The following CFLAR variants were observed in gnomAD, a reference collection of about 807,000 sequenced individuals.
The protein encoded by CFLAR is CASP8 and FADD like apoptosis regulator.
Under a neutral mutation model 51.1 loss-of-function variants are expected in CFLAR, and 14 were observed. That is an observed-to-expected ratio of 0.27 (90% confidence interval 0.18 to 0.43). CFLAR has a LOEUF of 0.43. CFLAR is among the 20% of genes least tolerant of loss of function. The probability of loss-of-function intolerance (pLI) is 1.00; values close to 1 mark genes in which losing one functional copy is unlikely to be tolerated. For synonymous variants in CFLAR, 210 were observed against 211.6 expected (o/e 0.99, Z 0.06); for missense variants, 390 against 566.5 (o/e 0.69, Z 3.16).
At position 201,170,564 on chromosome 2, in the gene CFLAR, C is replaced by T. The variant is rs1943951292; in HGVS notation, c.*6591C>T. The T allele has an allele frequency of 6.6e-6, 1 of 152,186 alleles. No homozygotes were observed. Among genetic ancestry groups the T allele is most frequent in the African/African-American group, 2.4e-5 (1 of 41,446 alleles). The allele number at this position is 152,186 out of a possible 1,614,324, so 9.4% of individuals were successfully genotyped here. On this transcript the variant is annotated 3_prime_UTR_variant, in exon 10 of 10. Transcript: ENST00000309955. ...ATTTAAAATACATATCATTTTCTAA[C>T]TCCAAAGGTAATACTTATTTAAATG...
chr2:201,141,115 C>T (rs911570077), intron 5 of CFLAR, among the ~76,000 whole-genome samples: 1 of 151,952 alleles, frequency 6.6e-6, no homozygotes, highest in African/African-American at 2.4e-5. Flanking sequence ...GCCTATAATC[C>T]CAGCTACTTG....
At chr2:201,127,726 G>C (rs2048844856) in intron 1 of CFLAR, among the ~76,000 whole-genome samples, 1 of 152,122 alleles carries the variant, frequency 6.6e-6, no homozygotes, top group African/African-American at 2.4e-5. Flanking sequence ...CACGGGATCT[G>C]TAGTTTCCTT....
rs1944048732 is a variant in CFLAR, at chr2:201,171,977, T to C, written c.*8004T>C. On this transcript the variant is annotated 3_prime_UTR_variant, in exon 10 of 10. Coordinates refer to ENST00000309955, the MANE Select transcript of CFLAR (RefSeq NM_003879.7). ...AAGGGCAGTTCAAATACCATCTCCT[T>C]CTATCCTCCATGAAGTCAGTTATCT... The C allele has an allele frequency of 6.6e-6, 1 of 152,204 alleles. No homozygotes were observed. The highest frequency in any genetic ancestry group is 2.1e-4 in the South Asian group (1 of 4,828). 9.4% of individuals were successfully genotyped at this position (152,204 alleles called of 1,614,324 possible).
At chr2:201,140,941 AT>A (rs1397344099) in intron 5 of CFLAR, among the ~76,000 whole-genome samples, 3 of 152,034 alleles carry the variant, frequency 2.0e-5, no homozygotes, top group African/African-American at 7.2e-5. Flanking sequence ...TTTTAAAAGT[AT>A]TTTTTTGCCC....
intron 8 of CFLAR, among the ~76,000 whole-genome samples, chr2:201,151,634 AT>A (rs1479165521): frequency 2.6e-5 from 4 of 151,868 alleles, no homozygotes; most frequent in South Asian, 2.1e-4. Flanking sequence ...GTTTTAAGAG[AT>A]TATGTAATTG....
In CFLAR at chr2:201,124,299, G is replaced by A. The variant is rs2048472973; in HGVS notation, c.-137-5430G>A. On this transcript the variant is annotated intron_variant, in intron 1 of 9. Transcript: ENST00000309955. This position sits in a 1 kb window ranked among gnomAD's most constrained non-coding sequence, Gnocchi z 4.7. ...TAGGGCTAATGTGGGTACCAGGGAA[G>A]TGTGTTAAGTGCTTCAATAGAGGTG... Among the ~76,000 whole-genome samples, 1 of 152,190 alleles carries A rather than the reference G, an allele frequency of 6.6e-6. No homozygotes were observed. Among genetic ancestry groups the A allele is most frequent in the Admixed American group, 6.5e-5 (1 of 15,274 alleles).
In CFLAR at chr2:201,170,583, T is replaced by G. The variant is rs1943952368; in HGVS notation, c.*6610T>G. On this transcript the variant is annotated 3_prime_UTR_variant, in exon 10 of 10. Coordinates refer to ENST00000309955, the MANE Select transcript of CFLAR (RefSeq NM_003879.7). ...TTCTAACTCCAAAGGTAATACTTAT[T>G]TAAATGGTTTTGAAAATATAGAAAG... 6.6e-6 allele frequency: 1 copy of G among 152,220 alleles called. No individual in the cohort carries two copies. Among genetic ancestry groups the G allele is most frequent in the Non-Finnish European group, 1.5e-5 (1 of 68,028 alleles). The allele number at this position is 152,220 out of a possible 1,614,324, so 9.4% of individuals were successfully genotyped here.
intron 1 of CFLAR, among the ~76,000 whole-genome samples, chr2:201,123,417 G>A (rs2048375575): frequency 6.6e-6 from 1 of 152,198 alleles, no homozygotes; most frequent in African/African-American, 2.4e-5. Context: ...CATCTGGTGA[G>A]GGCTGCTCCC....
intron 8 of CFLAR, among the ~76,000 whole-genome samples, chr2:201,151,882 G>C (rs1269415195): frequency 6.6e-6 from 1 of 152,142 alleles, no homozygotes; most frequent in Non-Finnish European, 1.5e-5. Flanking sequence ...AGCATGATCA[G>C]AGTTGAGAAA....
Position 201,169,443 on chromosome 2 carries a change from C to T in CFLAR, c.*5470C>T, listed in dbSNP as rs1426529013. 1 of 152,126 alleles carries T rather than the reference C, an allele frequency of 6.6e-6. No homozygotes were observed. Among genetic ancestry groups the T allele is most frequent in the Non-Finnish European group, 1.5e-5 (1 of 68,016 alleles). 9.4% of individuals were successfully genotyped at this position (152,126 alleles called of 1,614,324 possible). A position where few individuals can be genotyped will look rare whatever the true frequency, so the allele number is the denominator to read the frequency against. ...ATTGAAACTGACCCCTTCCTTACAC[C>T]TTATACAAAAATTAACTCAAGATTA... On this transcript the variant is annotated 3_prime_UTR_variant, in exon 10 of 10. Coordinates refer to ENST00000309955, the MANE Select transcript of CFLAR (RefSeq NM_003879.7).
Position 201,138,392 on chromosome 2 carries a change from G to T in CFLAR, c.524-1965G>T. Reference sequence around the variant, plus strand: ...GTCTCGGTTCTTCAGCGCGGTGCAGGTGATAATGGCCACCAGCTCATCGCG... The same window carrying T: ...GTCTCGGTTCTTCAGCGCGGTGCAGTTGATAATGGCCACCAGCTCATCGCG... On this transcript the variant is annotated intron_variant, in intron 4 of 9. Coordinates refer to ENST00000309955, the MANE Select transcript of CFLAR (RefSeq NM_003879.7). This position sits in a 1 kb window ranked among gnomAD's most constrained non-coding sequence, Gnocchi z 4.0. 1.3e-6 allele frequency: 1 copy of T among 778,598 alleles called. No individual in the cohort carries two copies. The allele number at this position is 778,598 out of a possible 1,614,324, so 48.2% of individuals were successfully genotyped here. A position where few individuals can be genotyped will look rare whatever the true frequency, so the allele number is the denominator to read the frequency against.
At chr2:201,136,733 T>C (rs2050182804) in intron 4 of CFLAR, 2 of 499,658 alleles carry the variant, frequency 4.0e-6, no homozygotes, top group Middle Eastern at 1.1e-3. Context: ...AGCACTCTTT[T>C]ACCCCAACAT....
intron 1 of CFLAR, among the ~76,000 whole-genome samples, chr2:201,125,956 T>A (rs187655046): frequency 6.6e-6 from 1 of 152,110 alleles, no homozygotes; most frequent in African/African-American, 2.4e-5. Flanking sequence ...TCACCCTAGA[T>A]GTTGCAGGGC....
In CFLAR at chr2:201,164,659, G is replaced by A. The variant is rs1258367484; in HGVS notation, c.*686G>A. 2 of 152,174 alleles carry A rather than the reference G, an allele frequency of 1.3e-5. No homozygotes were observed. Among genetic ancestry groups the A allele is most frequent in the Non-Finnish European group, 2.9e-5 (2 of 68,042 alleles). The allele number at this position is 152,174 out of a possible 1,614,324, so 9.4% of individuals were successfully genotyped here. ...CCTTTCCCAGTCCACTGACTCAAAT[G>A]TTAAATCTCCTTTGGCAGCACCCTC... On this transcript the variant is annotated 3_prime_UTR_variant, in exon 10 of 10. Transcript: ENST00000309955.
At chr2:201,136,823 T>C in intron 4 of CFLAR, 1 of 272,306 alleles carries the variant, frequency 3.7e-6, no homozygotes, top group South Asian at 4.7e-5. Flanking sequence ...GCTTGATTTA[T>C]TCCGATTATT....
chr2:201,141,187 G>A (rs963249818), intron 5 of CFLAR, among the ~76,000 whole-genome samples: 19 of 152,040 alleles, frequency 1.2e-4, no homozygotes, highest in African/African-American at 3.9e-4. Flanking sequence ...GCCAAATCGC[G>A]CCATTGTACT....
chr2:201,138,723 G>T lies in CFLAR; in HGVS notation c.524-1634G>T, dbSNP rs538860402. 13 of 794,136 alleles carry T rather than the reference G, an allele frequency of 1.6e-5. No individual in the cohort carries two copies. The East Asian group carries it at 3.2e-4, about 19-fold the overall frequency. The allele number at this position is 794,136 out of a possible 1,614,324, so 49.2% of individuals were successfully genotyped here. A position where few individuals can be genotyped will look rare whatever the true frequency, so the allele number is the denominator to read the frequency against. ...CACCACGGGGTGTGTGATAAAGCCC[G>T]GTTCAAACTTCTTGACCTTCTGCAC... is the stretch of plus-strand genomic sequence containing the variant. On this transcript the variant is annotated intron_variant, in intron 4 of 9. Transcript: ENST00000309955. The surrounding 1 kb of genome is among the most constrained non-coding windows in gnomAD (Gnocchi z 4.0).
At chr2:201,144,464 A>G (rs952505729) in intron 5 of CFLAR, among the ~76,000 whole-genome samples, 3 of 152,250 alleles carry the variant, frequency 2.0e-5, no homozygotes, top group Non-Finnish European at 1.5e-5. Flanking sequence ...GACATTTATT[A>G]TGTACTTCCA....
At chr2:201,130,178 G>A (rs760789763) in intron 2 of CFLAR, 32 bp downstream of exon 2, 3 of 1,433,218 alleles carry the variant, frequency 2.1e-6, no homozygotes, top group Non-Finnish European at 2.8e-6. Flanking sequence ...AGGCTGGGTG[G>A]GTGGGAGGGA....
Sources: allele counts gnomAD v4.1 joint callset (sites outside exome capture counted in the v4.1 genomes callset), GRCh38; gene constraint gnomAD v4.1.1; non-coding constraint Gnocchi (gnomAD v3.1); transcripts MANE v1.5; gene names NCBI Gene and HGNC (gene_info 2026-07-23, HGNC 2026-07-21).